PGD: variants seen among roughly 807,000 people sequenced by gnomAD.
The protein encoded by PGD is phosphogluconate dehydrogenase, also known as 6-phosphogluconate dehydrogenase, decarboxylating.
In PGD, 21 loss-of-function variants were observed where a neutral mutation model predicts 60.4. The ratio of observed to expected loss-of-function variants is 0.35; its 90% CI spans 0.25 to 0.50. The LOEUF is 0.50. Ranked by LOEUF, PGD falls within the 20% of genes least tolerant of loss-of-function variation. PGD has a pLI of 0.98. For missense variants in PGD, 477 were observed against 613.1 expected (o/e 0.78, Z 2.34); for synonymous variants, 230 against 235.9 (o/e 0.97, Z 0.23).
chr1:10,402,825 C>CA (rs1321667654), intron 3 of PGD, among the ~76,000 whole-genome samples: 3 of 151,500 alleles, frequency 2.0e-5, no homozygotes, highest in South Asian at 2.1e-4. Flanking sequence ...GCCTGGCCTA[C>CA]AAAAAAAATT....
chr1:10,417,198 G>A (rs916933539), intron 9 of PGD, 81 bp downstream of exon 9: 38 of 1,523,156 alleles, frequency 2.5e-5, no homozygotes, highest in South Asian at 2.1e-4. Flanking sequence ...GAGAACACTC[G>A]AGGCCACAGG....
chr1:10,403,257 A>G, intron 4 of PGD, 121 bp downstream of exon 4: 2 of 716,010 alleles, frequency 2.8e-6, no homozygotes, highest in South Asian at 3.1e-5. Flanking sequence ...TGAGATTACT[A>G]CTGATACAAT....
chr1:10,402,962 A>G, intron 3 of PGD, 109 bp from the exon 4 acceptor site: 1 of 801,210 alleles, frequency 1.2e-6, no homozygotes, highest in South Asian at 1.5e-5. Context: ...TGGGCAACAG[A>G]ACGAGACTCT....
chr1:10,417,773 G>A (rs1441931067), intron 10 of PGD, among the ~76,000 whole-genome samples: 2 of 151,882 alleles, frequency 1.3e-5, no homozygotes, highest in South Asian at 2.1e-4. Flanking sequence ...GCCATGATGC[G>A]ATCTTGACTC....
At chr1:10,405,401 T>TACAC (rs57033638) in intron 5 of PGD, among the ~76,000 whole-genome samples, 3,639 of 108,490 alleles carry the variant, frequency 0.034, 146 homozygotes, top group African/African-American at 0.096. Flanking sequence ...AAACAAAAAA[T>TACAC]ACACACACAC....
At chr1:10,399,302 C>T (rs1022372546) in intron 1 of PGD, among the ~76,000 whole-genome samples, 177 bp downstream of exon 1, 1 of 152,218 alleles carries the variant, frequency 6.6e-6, no homozygotes, top group Admixed American at 6.5e-5. Flanking sequence ...TCCCTGCGGG[C>T]CCGGCCCCCT....
Position 10,403,051 on chromosome 1 carries a change from A to G in PGD, c.265-20A>G, listed in dbSNP as rs1369064363. ...TATGTTTCATTTTTGGTCCATCTTA[A>G]TGCTGGTGTCTGGTTACAGGTACCA... On this transcript the variant is annotated intron_variant, in intron 3 of 12. Transcript: ENST00000270776. The G allele has an allele frequency of 4.5e-6, 7 of 1,563,982 alleles. No homozygotes were observed. The highest frequency in any genetic ancestry group is 5.3e-6 in the Non-Finnish European group (6 of 1,134,878).
chr1:10,417,778 T>G (rs1032697865), intron 10 of PGD, among the ~76,000 whole-genome samples: 3 of 152,202 alleles, frequency 2.0e-5, no homozygotes, highest in African/African-American at 7.2e-5. Flanking sequence ...GATGCGATCT[T>G]GACTCACTGC....
intron 1 of PGD, 126 bp downstream of exon 1, chr1:10,399,251 C>CT: frequency 3.6e-6 from 4 of 1,110,538 alleles, no homozygotes; most frequent in Non-Finnish European, 5.2e-6. Context: ...ACTTGGGGCT[C>CT]TGTGACCCTG....
At chr1:10,417,675 T>TA (rs1398077689) in intron 10 of PGD, among the ~76,000 whole-genome samples, 166 bp downstream of exon 10, 1 of 152,200 alleles carries the variant, frequency 6.6e-6, no homozygotes, top group Non-Finnish European at 1.5e-5. Context: ...TTCTTCACTG[T>TA]ACCTCAGTTG....
chr1:10,409,961 C>T (rs1375099173), intron 6 of PGD, among the ~76,000 whole-genome samples: 1 of 151,908 alleles, frequency 6.6e-6, no homozygotes, highest in Admixed American at 6.6e-5. Context: ...CAGCCTGCAA[C>T]TTTTTTTTAG....
chr1:10,404,798 C>T (rs1238085036), intron 5 of PGD, among the ~76,000 whole-genome samples: 2 of 152,140 alleles, frequency 1.3e-5, no homozygotes, highest in Non-Finnish European at 2.9e-5. Flanking sequence ...CCACACTTGG[C>T]CTCTAAATAG....
intron 7 of PGD, among the ~76,000 whole-genome samples, chr1:10,412,397 TTTG>T (rs1256011594): frequency 6.6e-6 from 1 of 152,250 alleles, no homozygotes; most frequent in Admixed American, 6.5e-5. Context: ...TTCCAGATTT[TTTG>T]TTGTTTTCCT....
At chr1:10,400,099 A>G (rs992157952) in intron 2 of PGD, 4 of 469,138 alleles carry the variant, frequency 8.5e-6, no homozygotes, top group African/African-American at 1.9e-5. Context: ...AACAACAGAT[A>G]GAGCCTGTTG....
At chr1:10,399,577 A>G in intron 1 of PGD, 52 bp from the exon 2 acceptor site, 2 of 1,510,516 alleles carry the variant, frequency 1.3e-6, no homozygotes, top group Non-Finnish European at 1.8e-6. Context: ...CCTGGGTTGC[A>G]GCGCGTCGAG....
chr1:10,418,986 G>A, intron 11 of PGD, 61 bp downstream of exon 11: 3 of 920,756 alleles, frequency 3.3e-6, no homozygotes, highest in Non-Finnish European at 5.2e-6. Flanking sequence ...CAGTTGTGAT[G>A]TTTGGTTTTT....
intron 8 of PGD, among the ~76,000 whole-genome samples, chr1:10,415,976 C>T (rs901299615): frequency 1.3e-5 from 2 of 151,330 alleles, no homozygotes; most frequent in Non-Finnish European, 2.9e-5. Flanking sequence ...GAGGTGAGTC[C>T]GTAAATGTGA....
intron 3 of PGD, among the ~76,000 whole-genome samples, chr1:10,401,513 TG>T (rs1639315821): frequency 6.6e-6 from 1 of 152,146 alleles, no homozygotes. Context: ...GAGAAGGATT[TG>T]TAACCAGTAT....
chr1:10,399,213 C>T, intron 1 of PGD, 88 bp downstream of exon 1: 2 of 1,474,298 alleles, frequency 1.4e-6, no homozygotes, highest in Non-Finnish European at 1.9e-6. Context: ...CTCTCCGACG[C>T]CTCCCACCCT....
Sources: gnomAD v4.1 joint callset for allele counts (sites outside exome capture counted in the v4.1 genomes callset) on GRCh38, gnomAD v4.1.1 for gene constraint, MANE v1.5 for transcripts, NCBI Gene and HGNC (gene_info 2026-07-23, HGNC 2026-07-21) for gene names.